MRPS22: variants seen among roughly 807,000 people sequenced by gnomAD.
MRPS22 encodes mitochondrial ribosomal protein S22.
MRPS22 carries 30 observed loss-of-function variants against 44.0 expected under a neutral mutation model. That is an observed-to-expected ratio of 0.68 (90% CI 0.51 to 0.93). The LOEUF (loss-of-function observed/expected upper bound fraction) is 0.93. MRPS22 is among the 40% of genes least tolerant of loss of function. The probability of loss-of-function intolerance (pLI) is 0.00; values close to 1 mark genes in which losing one functional copy is unlikely to be tolerated. For synonymous variants in MRPS22, 165 were observed against 154.4 expected (o/e 1.07, Z -0.51); for missense variants, 447 against 447.8 (o/e 1.00, Z 0.02).
At chr3:139,349,338 A>C (rs1444163175) in intron 3 of MRPS22, 1 of 452,272 alleles carries the variant, frequency 2.2e-6, no homozygotes. Context: ...TGTTGATGGA[A>C]GTTTCATCTA....
Position 139,344,057 on chromosome 3 carries a change from T to C in MRPS22, c.31T>C (p.Trp11Arg). The change falls in exon 1 of 8, where the codon TGG becomes CGG. Residue 11 changes from tryptophan to arginine, a missense_variant. Transcript: ENST00000680020. ...GCCCCTCGGAACAACTGTATTGCTG[T>C]GGAGCCTCTTGAGGAGTTCTCCGGG... MAPLGTTVLL[W>R]SLLRSSPGVE... 2.5e-6 allele frequency: 4 copies of C among 1,614,204 alleles called. No homozygotes were observed. The highest frequency in any genetic ancestry group is 3.4e-6 in the Non-Finnish European group (4 of 1,180,034).
rs998278029 is a variant in MRPS22 at position 139,357,105 on chromosome 3, A to G, written c.*91A>G. 1.8e-6 allele frequency: 2 copies of G among 1,089,292 alleles called. No individual in the cohort carries two copies. The highest frequency in any genetic ancestry group is 1.4e-5 in the South Asian group (1 of 72,614). The allele number at this position is 1,089,292 out of a possible 1,614,324, so 67.5% of individuals were successfully genotyped here. A position where few individuals can be genotyped will look rare whatever the true frequency, so the allele number is the denominator to read the frequency against. ...AATGTTAAAAAATGGCCAGATTAAA[A>G]GATATCAATTTGTAGTTCTCCCTAC... On this transcript the variant is annotated 3_prime_UTR_variant, in exon 8 of 8. Coordinates refer to ENST00000680020, the MANE Select transcript of MRPS22 (RefSeq NM_020191.4).
chr3:139,344,160 AG>A lies in MRPS22; in HGVS notation c.135del (p.Met46TrpfsTer37). ...GLLQPLPCSF[E>X]MGLPRRRFSS... ...CTCCAACCGCTACCTTGCTCTTTCG[AG>A]ATGGGGCTGCCACGCCGCCGGTTCA... On this transcript the variant is annotated frameshift_variant, in exon 1 of 8. Transcript: ENST00000680020. LOFTEE classifies it high-confidence loss of function. 1 of 1,612,484 alleles carries A rather than the reference AG, an allele frequency of 6.2e-7. No homozygotes were observed. Among genetic ancestry groups the A allele is most frequent in the South Asian group, 1.1e-5 (1 of 90,782 alleles).
chr3:139,352,939 C>G, intron 6 of MRPS22, 147 bp downstream of exon 6: 1 of 849,624 alleles, frequency 1.2e-6, no homozygotes, highest in South Asian at 1.6e-5. Context: ...TTAGTATAAC[C>G]TAGCTCTCCT....
chr3:139,344,905 T>C (rs1187592164), intron 1 of MRPS22, among the ~76,000 whole-genome samples: 1 of 152,088 alleles, frequency 6.6e-6, no homozygotes, highest in African/African-American at 2.4e-5. Flanking sequence ...GATCAGGAGA[T>C]GGGAAAGGAG....
rs1332490646 is a variant in MRPS22 at position 139,355,725 on chromosome 3, C to T, written c.922C>T (p.His308Tyr). The change falls in exon 7 of 8, where the codon CAT (histidine) becomes TAT (tyrosine). Residue 308 changes from histidine to tyrosine, a missense_variant. Physicochemically the swap from His to Tyr is moderately conservative, Grantham distance 83. Transcript: ENST00000680020. ...CTTGGTCCAGCTGTATCACGTGCTC[C>T]ATCCAGATGGCCAGTCGGCTCAAGG... ...TNLVQLYHVL[H>Y]PDGQSAQGAK... 2 of 1,614,160 alleles carry T rather than the reference C, an allele frequency of 1.2e-6. No individual in the cohort carries two copies. The highest frequency in any genetic ancestry group is 1.7e-6 in the Non-Finnish European group (2 of 1,180,026).
chr3:139,351,113 AT>A, intron 5 of MRPS22, 53 bp downstream of exon 5: 2 of 1,317,592 alleles, frequency 1.5e-6, no homozygotes, highest in Non-Finnish European at 2.2e-6. Flanking sequence ...TATGAGTAAG[AT>A]TTTTAATCTA....
At chr3:139,345,438 G>GTTTTTTT (rs55710231) in intron 1 of MRPS22, among the ~76,000 whole-genome samples, 1 of 121,646 alleles carries the variant, frequency 8.2e-6, no homozygotes, top group African/African-American at 3.0e-5. Context: ...TGCCAGTGGT[G>GTTTTTTT]TTTTTTTTTT....
chr3:139,350,458 G>A (rs1337209014), intron 4 of MRPS22, 136 bp downstream of exon 4: 12 of 994,362 alleles, frequency 1.2e-5, no homozygotes, highest in African/African-American at 5.0e-5. Flanking sequence ...ATGGAGTTTC[G>A]CTCCTTTTGC....
intron 3 of MRPS22, chr3:139,349,127 C>T: frequency 2.9e-6 from 1 of 345,992 alleles, no homozygotes. Context: ...GAACATGAGT[C>T]ACAGAGTTTC....
At chr3:139,347,961 T>G (rs146315894) in intron 2 of MRPS22, among the ~76,000 whole-genome samples, 199 bp from the exon 3 acceptor site, 1 of 152,244 alleles carries the variant, frequency 6.6e-6, no homozygotes, top group South Asian at 2.1e-4. Context: ...GTTGAGTCTA[T>G]AGCTGGTGGT....
In MRPS22 at chr3:139,355,709, G is replaced by C; in HGVS notation, c.906G>C (p.Gln302His). 1 of 1,614,158 alleles carries C rather than the reference G, an allele frequency of 6.2e-7. No homozygotes were observed. Among genetic ancestry groups the C allele is most frequent in the Non-Finnish European group, 8.5e-7 (1 of 1,179,994 alleles). ...TCGATGATGCAACCAACTTGGTCCAGCTGTATCACGTGCTCCATCCAGATG... is the reference window on the plus strand; with the variant it reads ...TCGATGATGCAACCAACTTGGTCCACCTGTATCACGTGCTCCATCCAGATG... ...DLIDDATNLVQLYHVLHPDGQ... is the reference protein window; with the variant it reads ...DLIDDATNLVHLYHVLHPDGQ... Residue 302 changes from glutamine (Q) to histidine (H), a missense_variant, in exon 7 of 8, where the codon CAG becomes CAC. Coordinates refer to ENST00000680020, the MANE Select transcript of MRPS22 (RefSeq NM_020191.4).
At chr3:139,350,954 C>G in intron 4 of MRPS22, 23 bp from the exon 5 acceptor site, 1 of 1,599,638 alleles carries the variant, frequency 6.3e-7, no homozygotes, top group Non-Finnish European at 8.6e-7. Context: ...TCATGTGATG[C>G]TAACTCTGCT....
chr3:139,355,815 T>G (rs377031285), intron 7 of MRPS22, 25 bp downstream of exon 7: 2 of 1,555,730 alleles, frequency 1.3e-6, no homozygotes, highest in East Asian at 2.2e-5. Flanking sequence ...TCATATTGGT[T>G]GTTTTGTGGT....
rs1229266500 is a variant in MRPS22 at position 139,344,049 on chromosome 3, T to C, written c.23T>C (p.Val8Ala). 6.2e-7 allele frequency: 1 copy of C among 1,614,104 alleles called. No individual in the cohort carries two copies. The highest frequency in any genetic ancestry group is 8.5e-7 in the Non-Finnish European group (1 of 1,180,018). MAPLGTT[V>A]LLWSLLRSSP... is the part of the protein sequence containing the mutation. Reference sequence around the variant, plus strand: ...ATCATGGCGCCCCTCGGAACAACTGTATTGCTGTGGAGCCTCTTGAGGAGT... The same window carrying C: ...ATCATGGCGCCCCTCGGAACAACTGCATTGCTGTGGAGCCTCTTGAGGAGT... The change falls in exon 1 of 8, where the codon GTA becomes GCA. Residue 8 changes from valine to alanine, a missense_variant. Physicochemically the swap from Val to Ala is moderately conservative, Grantham distance 64. Transcript: ENST00000680020.
chr3:139,355,975 G>T (rs1216216653), intron 7 of MRPS22, among the ~76,000 whole-genome samples, 185 bp downstream of exon 7: 3 of 152,164 alleles, frequency 2.0e-5, no homozygotes, highest in Admixed American at 2.0e-4. Context: ...GACAGGGGAG[G>T]GGGGTAAAGT....
intron 2 of MRPS22, 129 bp from the exon 3 acceptor site, chr3:139,348,031 C>T (rs1941078127): frequency 1.0e-6 from 1 of 966,214 alleles, no homozygotes; most frequent in South Asian, 1.5e-5. Context: ...GCTTTTTACT[C>T]ACTGATTTGT....
chr3:139,347,882 T>C (rs1235335992), intron 2 of MRPS22, among the ~76,000 whole-genome samples: 1 of 152,220 alleles, frequency 6.6e-6, no homozygotes, highest in Non-Finnish European at 1.5e-5. Context: ...CTGCATTCTT[T>C]TATTCTGTTT....
At chr3:139,347,559 C>T (rs1302769517) in intron 2 of MRPS22, among the ~76,000 whole-genome samples, 1 of 152,178 alleles carries the variant, frequency 6.6e-6, no homozygotes, top group Non-Finnish European at 1.5e-5. Flanking sequence ...ATATCTCTCT[C>T]CAGTAGTAGA....
Sources: gnomAD v4.1 joint callset for allele counts (sites outside exome capture counted in the v4.1 genomes callset) on GRCh38, gnomAD v4.1.1 for gene constraint, MANE v1.5 for transcripts, NCBI Gene and HGNC (gene_info 2026-07-23, HGNC 2026-07-21) for gene names.